Variants in WDR70 observed in about 807,000 individuals in gnomAD.
WDR70 encodes WD repeat domain 70.
WDR70 carries 53 observed loss-of-function variants against 88.6 expected under a neutral mutation model. The ratio of observed to expected loss-of-function variants is 0.60; its 90% CI spans 0.48 to 0.75. The LOEUF is 0.75. Ranked by LOEUF, WDR70 falls within the 30% of genes least tolerant of loss-of-function variation. The pLI, the probability that WDR70 is intolerant of heterozygous loss-of-function variation, is 0.00. For synonymous variants in WDR70, 280 were observed against 270.0 expected, an observed-to-expected ratio of 1.04 and a Z score of -0.36; for missense variants, 610 against 823.2, an observed-to-expected ratio of 0.74 and a Z score of 3.17.
chr5:37,626,385 C>A (rs1288240794), intron 10 of WDR70, among the ~76,000 whole-genome samples: 3 of 152,084 alleles, frequency 2.0e-5, no homozygotes, highest in African/African-American at 7.2e-5. Flanking sequence ...TGGTTTTCAT[C>A]CTTCTTTCTG....
chr5:37,603,553 A>AT (rs1743948328), intron 9 of WDR70, among the ~76,000 whole-genome samples: 1 of 152,190 alleles, frequency 6.6e-6, no homozygotes, highest in South Asian at 2.1e-4. Context: ...CTGGGCTTAG[A>AT]TTTTTTATAT....
At chr5:37,476,937 A>G (rs1405322618) in intron 7 of WDR70, among the ~76,000 whole-genome samples, 1 of 152,170 alleles carries the variant, frequency 6.6e-6, no homozygotes, top group Non-Finnish European at 1.5e-5. Flanking sequence ...TATGAGTACG[A>G]GCCACTGTCC....
At chr5:37,684,350 G>A (rs921578056) in intron 10 of WDR70, among the ~76,000 whole-genome samples, 8 of 152,178 alleles carry the variant, frequency 5.3e-5, no homozygotes, top group Non-Finnish European at 1.2e-4. Flanking sequence ...TAGTTCAGTC[G>A]TTTGGAGGAA....
chr5:37,473,000 T>C (rs1236246561), intron 7 of WDR70, among the ~76,000 whole-genome samples: 1 of 152,014 alleles, frequency 6.6e-6, no homozygotes, highest in Admixed American at 6.5e-5. Context: ...ACTTTACCAG[T>C]TGTGTATGAG....
intron 7 of WDR70, among the ~76,000 whole-genome samples, chr5:37,464,825 T>A (rs975145011): frequency 6.6e-6 from 1 of 152,132 alleles, no homozygotes; most frequent in Admixed American, 6.6e-5. Flanking sequence ...CTGGAGAAGC[T>A]GTGTTGCAGT....
Position 37,753,421 on chromosome 5 carries a change from A to C in WDR70, c.*848A>C, listed in dbSNP as rs1748865092. On this transcript the variant is annotated 3_prime_UTR_variant, in exon 18 of 18. Coordinates refer to ENST00000265107, the MANE Select transcript of WDR70 (RefSeq NM_018034.4). ...TAAAGACTAAACAGAAGACATTAAA[A>C]ATTATTCTAAAAAATCATTGTGCTT... 1 of 152,214 alleles carries C rather than the reference A, an allele frequency of 6.6e-6. No homozygotes were observed. The highest frequency in any genetic ancestry group is 1.5e-5 in the Non-Finnish European group (1 of 68,034). 9.4% of individuals were successfully genotyped at this position (152,214 alleles called of 1,614,324 possible).
Position 37,412,923 on chromosome 5 carries a change from G to C in WDR70, c.492+16353G>C, listed in dbSNP as rs148920442. On this transcript the variant is annotated intron_variant, in intron 5 of 17. Transcript: ENST00000265107. ...TCATACTAGGCACTCAGAATGGCTG[G>C]GTTTTATCATTGTTTTCATCATCAA... 4.9e-4 allele frequency among the ~76,000 whole-genome samples: 74 copies of C among 151,914 alleles called. No homozygotes were observed. The East Asian group carries it at 0.011, about 23-fold the overall frequency.
At chr5:37,534,770 C>T (rs1190337677) in intron 9 of WDR70, among the ~76,000 whole-genome samples, 4 of 152,160 alleles carry the variant, frequency 2.6e-5, no homozygotes, top group Non-Finnish European at 5.9e-5. Context: ...TGAGCCATCG[C>T]ACCTGGCCAC....
At chr5:37,548,173 T>C (rs57732968) in intron 9 of WDR70, among the ~76,000 whole-genome samples, 1 of 152,116 alleles carries the variant, frequency 6.6e-6, no homozygotes, top group Non-Finnish European at 1.5e-5. Context: ...AGCAGTGGGA[T>C]TGCTGAATTA....
Position 37,702,995 on chromosome 5 carries a change from A to G in WDR70, c.1324A>G (p.Thr442Ala), listed in dbSNP as rs1747209583. 2 of 1,613,758 alleles carry G rather than the reference A, an allele frequency of 1.2e-6. No homozygotes were observed. Among genetic ancestry groups the G allele is most frequent in the Non-Finnish European group, 1.7e-6 (2 of 1,179,798 alleles). ...AGATGATAAGCTCATAGTCACTGGT[A>G]CATCTATTCAAAGAGGATGTGGCAG... The part of the protein sequence containing the change: ...SPDDKLIVTG[T>A]SIQRGCGSGK... Residue 442 changes from threonine (T) to alanine (A), a missense_variant, in exon 13 of 18, where the codon ACA (threonine) becomes GCA (alanine). Transcript: ENST00000265107.
At chr5:37,415,553 C>T (rs1581260757) in intron 5 of WDR70, among the ~76,000 whole-genome samples, 2 of 109,970 alleles carry the variant, frequency 1.8e-5, no homozygotes, top group South Asian at 3.2e-4. Flanking sequence ...GGCGGCTGGC[C>T]GGGCAGGGGG....
chr5:37,529,410 G>A (rs535839812), intron 9 of WDR70, among the ~76,000 whole-genome samples: 1 of 152,184 alleles, frequency 6.6e-6, no homozygotes, highest in Admixed American at 6.5e-5. Context: ...ATTGCTTTTG[G>A]CAGTATGGTC....
intron 10 of WDR70, among the ~76,000 whole-genome samples, chr5:37,647,696 G>C (rs1745275811): frequency 1.3e-5 from 2 of 152,180 alleles, no homozygotes; most frequent in Non-Finnish European, 2.9e-5. Flanking sequence ...ATCAGGCAGA[G>C]ACTTGTTCTC....
At chr5:37,673,583 A>ACCCC (rs139281997) in intron 10 of WDR70, among the ~76,000 whole-genome samples, 784 of 76,180 alleles carry the variant, frequency 0.01, 16 homozygotes, top group East Asian at 0.025. Context: ...GACTTTTCTT[A>ACCCC]CCCCCCCCCC....
chr5:37,640,974 C>T (rs560903199), intron 10 of WDR70, among the ~76,000 whole-genome samples: 76 of 152,342 alleles, frequency 5.0e-4, no homozygotes, highest in Non-Finnish European at 8.5e-4. Flanking sequence ...TTAGCATAAT[C>T]GTCAATTCAC....
chr5:37,571,937 T>G (rs994136409), intron 9 of WDR70, among the ~76,000 whole-genome samples: 1 of 152,044 alleles, frequency 6.6e-6, no homozygotes, highest in Non-Finnish European at 1.5e-5. Flanking sequence ...GGTATTAAGA[T>G]CTGGTTTATG....
At position 37,443,946 on chromosome 5, in the gene WDR70, C is replaced by T. The variant is rs1161655751; in HGVS notation, c.686+574C>T. Among the ~76,000 whole-genome samples, 7 of 151,764 alleles carry T rather than the reference C, an allele frequency of 4.6e-5. No individual in the cohort carries two copies. In the South Asian group the frequency reaches 6.3e-4, roughly 14 times the overall value. ...GGTGGATCACCTGAGGTCAGGAGTT[C>T]GAGACCAGCCTGTCTAACATGGTGA... is the stretch of plus-strand genomic sequence containing the variant. On this transcript the variant is annotated intron_variant, in intron 7 of 17. Coordinates refer to ENST00000265107, the MANE Select transcript of WDR70 (RefSeq NM_018034.4).
intron 5 of WDR70, among the ~76,000 whole-genome samples, chr5:37,429,282 A>G (rs1750231703): frequency 6.6e-6 from 1 of 152,132 alleles, no homozygotes; most frequent in Admixed American, 6.5e-5. Context: ...ATGTATTGTA[A>G]ATATCTTTGT....
At chr5:37,594,230 C>T (rs937891974) in intron 9 of WDR70, among the ~76,000 whole-genome samples, 1 of 152,124 alleles carries the variant, frequency 6.6e-6, no homozygotes, top group African/African-American at 2.4e-5. Context: ...TGCCTATGTC[C>T]TGAATGGTAT....
Sources: gnomAD v4.1 joint callset for allele counts (sites outside exome capture counted in the v4.1 genomes callset) on GRCh38, gnomAD v4.1.1 for gene constraint, MANE v1.5 for transcripts, NCBI Gene and HGNC (gene_info 2026-07-23, HGNC 2026-07-21) for gene names.